Variants in PRKAR1A observed in about 807,000 individuals in gnomAD.
PRKAR1A encodes the protein cAMP-dependent protein kinase type I-alpha regulatory subunit.
A neutral mutation model predicts 52.0 loss-of-function variants in PRKAR1A; 3 were observed. The ratio of observed to expected loss-of-function variants is 0.06; its 90% CI spans 0.03 to 0.15. The LOEUF (loss-of-function observed/expected upper bound fraction) is 0.15. Ranked by LOEUF, PRKAR1A falls within the 10% of genes least tolerant of loss-of-function variation. The pLI is 1.00. For missense variants in PRKAR1A, 240 were observed against 477.4 expected, an observed-to-expected ratio of 0.50 and a Z score of 4.63; for synonymous variants, 188 against 168.4, an observed-to-expected ratio of 1.12 and a Z score of -0.90.
chr17:68,515,692 CTA>C (rs1357166930), intron 2 of PRKAR1A, 116 bp downstream of exon 2: 10 of 1,258,676 alleles, frequency 7.9e-6, no homozygotes, highest in East Asian at 2.5e-5. Context: ...AATAAAAAGT[CTA>C]AAACAATTTC....
At chr17:68,465,625 A>ATTTTTTTTGT in the PRKAR1A span, among the ~76,000 whole-genome samples, 1 of 67,186 alleles carries the variant, frequency 1.5e-5, no homozygotes, top group Non-Finnish European at 2.8e-5. Flanking sequence ...ACGCCCAGCA[A>ATTTTTTTTGT]TTTTTTTTTT....
At chr17:68,458,828 T>G in the PRKAR1A span, among the ~76,000 whole-genome samples, 13 of 152,326 alleles carry the variant, frequency 8.5e-5, no homozygotes, top group African/African-American at 3.1e-4. Context: ...TATATGACAG[T>G]CTCTCAAATC....
At chr17:68,472,561 T>A in the PRKAR1A span, among the ~76,000 whole-genome samples, 2 of 152,218 alleles carry the variant, frequency 1.3e-5, no homozygotes, top group Non-Finnish European at 2.9e-5. Flanking sequence ...AAATATTTTA[T>A]TTCTAAATAA....
chr17:68,428,560 T>G, the PRKAR1A span: 1 of 316,562 alleles, frequency 3.2e-6, no homozygotes, highest in Non-Finnish European at 6.0e-6. Context: ...ACACCCACTG[T>G]GAGCTCAGGG....
Position 68,530,623 on chromosome 17 carries a change from A to C in PRKAR1A, c.*174A>C. 3.3e-6 allele frequency: 5 copies of C among 1,521,074 alleles called. No individual in the cohort carries two copies. Among genetic ancestry groups the C allele is most frequent in the Non-Finnish European group, 3.5e-6 (4 of 1,136,126 alleles). 94.2% of individuals were successfully genotyped at this position (1,521,074 alleles called of 1,614,324 possible). On this transcript the variant is annotated 3_prime_UTR_variant, in exon 11 of 11. Transcript: ENST00000589228. Reference sequence around the variant, plus strand: ...CCATTTTCAATTTGGAGCATTAACTAAATGCTCATACACAGTTAAATAAAT... The same window carrying C: ...CCATTTTCAATTTGGAGCATTAACTCAATGCTCATACACAGTTAAATAAAT...
At chr17:68,426,657 G>A in the PRKAR1A span, among the ~76,000 whole-genome samples, 205 of 152,146 alleles carry the variant, frequency 1.3e-3, no homozygotes, top group African/African-American at 4.7e-3. Flanking sequence ...CTCAGCCTCC[G>A]GAGTAGCTGG....
the PRKAR1A span, among the ~76,000 whole-genome samples, chr17:68,471,040 A>T: frequency 1.1e-4 from 17 of 152,304 alleles, no homozygotes; most frequent in South Asian, 2.1e-4. Flanking sequence ...ATAAATGAAT[A>T]AAAAAACTAA....
chr17:68,508,584 G>T (rs1481797562), upstream of PRKAR1A, among the ~76,000 whole-genome samples: 3 of 152,146 alleles, frequency 2.0e-5, no homozygotes, highest in Non-Finnish European at 4.4e-5. Context: ...CTCACTACCT[G>T]GGTGATGGGA....
chr17:68,533,711 G>A (rs1220115339), downstream of PRKAR1A, among the ~76,000 whole-genome samples: 1 of 152,094 alleles, frequency 6.6e-6, no homozygotes, highest in Non-Finnish European at 1.5e-5. Flanking sequence ...CCAAAGGTAC[G>A]TTTTTATCTG....
the PRKAR1A span, chr17:68,457,309 C>G: frequency 1.9e-6 from 3 of 1,538,608 alleles, no homozygotes; most frequent in Admixed American, 2.0e-5. Context: ...CTCTGTCCCC[C>G]ACCTCCCTGG....
chr17:68,514,610 G>A (rs2085371466), intron 1 of PRKAR1A, among the ~76,000 whole-genome samples: 1 of 152,138 alleles, frequency 6.6e-6, no homozygotes. Flanking sequence ...GAATCTTCAT[G>A]CAAGTTTGAA....
chr17:68,429,854 T>G, the PRKAR1A span: 930,250 of 1,198,080 alleles, frequency 0.78, 362,256 homozygotes, highest in Admixed American at 0.83. Context: ...CTCCCAAGGT[T>G]CCGGGATTAC....
the PRKAR1A span, among the ~76,000 whole-genome samples, chr17:68,465,625 A>ATTTTTTTTTTTTTTTTTTTTTTTTT: frequency 3.0e-5 from 2 of 67,186 alleles, no homozygotes; most frequent in Non-Finnish European, 5.5e-5. Flanking sequence ...ACGCCCAGCA[A>ATTTTTTTTTTTTTTTTTTTTTTTTT]TTTTTTTTTT....
chr17:68,447,643 G>A, the PRKAR1A span, among the ~76,000 whole-genome samples: 1 of 151,854 alleles, frequency 6.6e-6, no homozygotes, highest in Non-Finnish European at 1.5e-5. Context: ...CTCCTGCCTC[G>A]GCCTCCTGAA....
chr17:68,435,980 A>C, the PRKAR1A span, among the ~76,000 whole-genome samples: 1 of 152,352 alleles, frequency 6.6e-6, no homozygotes, highest in South Asian at 2.1e-4. Context: ...ATGCCGTCGC[A>C]GGCGCGCCCT....
At chr17:68,527,706 T>C (rs972178172) in intron 7 of PRKAR1A, 134 bp from the exon 8 acceptor site, 2 of 699,530 alleles carry the variant, frequency 2.9e-6, no homozygotes, top group African/African-American at 1.8e-5. Flanking sequence ...AATTAAACTT[T>C]CCTCATTAAA....
chr17:68,515,153 GTTATCGAC>G, intron 1 of PRKAR1A: 1 of 520,634 alleles, frequency 1.9e-6, no homozygotes, highest in South Asian at 2.0e-5. Context: ...AGGAGCTGAG[GTTATCGAC>G]TCTCACTGTT....
the PRKAR1A span, among the ~76,000 whole-genome samples, chr17:68,426,869 C>A: frequency 1.3e-5 from 2 of 152,174 alleles, no homozygotes; most frequent in Non-Finnish European, 2.9e-5. Flanking sequence ...AGGGTTAACA[C>A]CACTTGTTAG....
At chr17:68,522,391 A>C (rs2085639426) in intron 2 of PRKAR1A, among the ~76,000 whole-genome samples, 1 of 152,192 alleles carries the variant, frequency 6.6e-6, no homozygotes, top group South Asian at 2.1e-4. Context: ...ATCCAAAAAA[A>C]CCCAATTTTC....
Sources: allele counts gnomAD v4.1 joint callset (sites outside exome capture counted in the v4.1 genomes callset), GRCh38; gene constraint gnomAD v4.1.1; transcripts MANE v1.5; gene names NCBI Gene and HGNC (gene_info 2026-07-23, HGNC 2026-07-21).